DPP6: variants seen among roughly 807,000 people sequenced by gnomAD.
DPP6 encodes A-type potassium channel modulatory protein DPP6.
Under a neutral mutation model 122.6 loss-of-function variants are expected in DPP6, and 69 were observed. That is an observed-to-expected ratio of 0.56 (90% CI 0.46 to 0.69). The LOEUF (loss-of-function observed/expected upper bound fraction) is 0.69, where lower values mean the gene tolerates loss of function less well. Ranked by LOEUF, DPP6 falls within the 30% of genes least tolerant of loss-of-function variation. The pLI, the probability that DPP6 is intolerant of heterozygous loss-of-function variation, is 0.00. For missense variants in DPP6, 928 were observed against 1,116.9 expected (o/e 0.83, Z 2.41); for synonymous variants, 418 against 433.1 (o/e 0.97, Z 0.43).
intron 1 of DPP6, among the ~76,000 whole-genome samples, chr7:154,289,803 G>A (rs1277157048): frequency 6.6e-6 from 1 of 152,188 alleles, no homozygotes; most frequent in Non-Finnish European, 1.5e-5. Context: ...CCCAGCGTCT[G>A]ATGGGGATGG....
intron 7 of DPP6, among the ~76,000 whole-genome samples, chr7:154,684,723 C>T (rs966678702): frequency 1.7e-4 from 26 of 152,158 alleles, no homozygotes; most frequent in Admixed American, 2.0e-4. Context: ...TATGATTGCA[C>T]GTACATGTAT....
Position 154,874,811 on chromosome 7 carries a change from A to C in DPP6, c.1884-1095A>C, listed in dbSNP as rs141956244. 1.4e-3 allele frequency among the ~76,000 whole-genome samples: 212 copies of C among 152,306 alleles called. 1 individual carries two copies. Among genetic ancestry groups the C allele is most frequent in the African/African-American group, 4.7e-3 (196 of 41,568 alleles). ...CCATCTTTTTCCCGGCAAGAGGGAA[A>C]ATCACTTAAAAACTTCCCCACACCC... On this transcript the variant is annotated intron_variant, in intron 19 of 25. Transcript: ENST00000377770.
At chr7:154,281,011 ATTTATTTATTTATTTT>A (rs1804472349) in intron 1 of DPP6, among the ~76,000 whole-genome samples, 3 of 84,070 alleles carry the variant, frequency 3.6e-5, no homozygotes, top group Admixed American at 1.4e-4. Context: ...TTATTTATTT[ATTTATTTATTTATTTT>A]TTGGAGACAG....
At chr7:154,791,321 G>A (rs1271484879) in intron 10 of DPP6, among the ~76,000 whole-genome samples, 2 of 152,132 alleles carry the variant, frequency 1.3e-5, no homozygotes, top group African/African-American at 4.8e-5. Flanking sequence ...TTTAGAAAGA[G>A]AGAGGTTTCA....
intron 1 of DPP6, among the ~76,000 whole-genome samples, chr7:154,252,443 A>T (rs1307301543): frequency 6.6e-6 from 1 of 152,174 alleles, no homozygotes; most frequent in African/African-American, 2.4e-5. Flanking sequence ...AAGCAGACTG[A>T]CCCTTAGTCA....
At chr7:154,862,759 T>A (rs1231359195) in intron 17 of DPP6, among the ~76,000 whole-genome samples, 2 of 152,196 alleles carry the variant, frequency 1.3e-5, no homozygotes, top group East Asian at 3.8e-4. Flanking sequence ...GGGCCCAGCA[T>A]GATGCTAGAA....
intron 5 of DPP6, among the ~76,000 whole-genome samples, chr7:154,591,863 T>G (rs888912205): frequency 1.3e-5 from 2 of 152,216 alleles, no homozygotes; most frequent in African/African-American, 2.4e-5. Flanking sequence ...AATGCTAGAC[T>G]GTGCGTCTGT....
chr7:154,653,841 G>A (rs769699620), intron 6 of DPP6, among the ~76,000 whole-genome samples: 6 of 152,114 alleles, frequency 3.9e-5, no homozygotes, highest in Non-Finnish European at 7.3e-5. Context: ...GGTTTACAGT[G>A]ACAGAGAAGA....
intron 1 of DPP6, among the ~76,000 whole-genome samples, chr7:154,404,976 A>G (rs993340): frequency 0.045 from 6,834 of 152,350 alleles, 244 homozygotes; most frequent in East Asian, 0.14. Context: ...GTTTAGTAAT[A>G]ATAACAAATG....
At chr7:153,795,018 C>T in the DPP6 span, among the ~76,000 whole-genome samples, 4 of 152,032 alleles carry the variant, frequency 2.6e-5, no homozygotes, top group South Asian at 2.1e-4. Context: ...TTATCAGCAG[C>T]GTGAAAATGG....
intron 5 of DPP6, among the ~76,000 whole-genome samples, chr7:154,626,037 T>A (rs1159711486): frequency 2.0e-5 from 3 of 152,052 alleles, no homozygotes; most frequent in Non-Finnish European, 2.9e-5. Flanking sequence ...GATACCTGTT[T>A]CTCAGTGGCC....
chr7:153,781,146 A>G, the DPP6 span, among the ~76,000 whole-genome samples: 3 of 152,206 alleles, frequency 2.0e-5, no homozygotes, highest in Non-Finnish European at 4.4e-5. Context: ...TTAATGAATT[A>G]TCTATGCACG....
At chr7:154,469,686 G>A (rs12538250) in intron 2 of DPP6, among the ~76,000 whole-genome samples, 3 of 152,116 alleles carry the variant, frequency 2.0e-5, no homozygotes, top group East Asian at 1.9e-4. Flanking sequence ...AGAATCTACC[G>A]AGGAAATAGG....
intron 8 of DPP6, among the ~76,000 whole-genome samples, chr7:154,751,229 T>A (rs1843365032): frequency 6.6e-6 from 1 of 152,106 alleles, no homozygotes. Flanking sequence ...GGTCTCCCTA[T>A]CAGCCTGGGA....
At chr7:153,912,759 G>A (rs1011063285) in intron 1 of DPP6, among the ~76,000 whole-genome samples, 6 of 152,004 alleles carry the variant, frequency 3.9e-5, no homozygotes, top group African/African-American at 9.7e-5. Flanking sequence ...AATCATACAC[G>A]TGCACAGACA....
chr7:154,075,775 C>T lies in DPP6; in HGVS notation c.243+22712C>T, dbSNP rs953894494. On this transcript the variant is annotated intron_variant, in intron 1 of 25. Coordinates refer to ENST00000377770, the MANE Select transcript of DPP6 (RefSeq NM_130797.4). ...CCACTAAAGAACTTACCCATGTAAC[C>T]CCAAACCACCTGTTCCTCAAAAACT... Among the ~76,000 whole-genome samples the T allele has an allele frequency of 2.8e-5, 4 of 144,094 alleles. No individual in the cohort carries two copies. In the Admixed American group the frequency reaches 2.8e-4, roughly 10 times the overall value. 94.5% of individuals were successfully genotyped at this position (144,094 alleles called of 152,430 possible).
chr7:154,260,456 C>A (rs1172371006), intron 1 of DPP6, among the ~76,000 whole-genome samples: 1 of 151,882 alleles, frequency 6.6e-6, no homozygotes, highest in Non-Finnish European at 1.5e-5. Context: ...CCACTCTTTC[C>A]TCCTGAGTCC....
chr7:154,786,476 C>A (rs7779332), intron 10 of DPP6, among the ~76,000 whole-genome samples: 37,849 of 151,972 alleles, frequency 0.25, 4,879 homozygotes, highest in African/African-American at 0.29. Flanking sequence ...CCATGCTGTT[C>A]TCTTGATAGT....
chr7:154,238,323 T>C (rs1371979147), intron 1 of DPP6, among the ~76,000 whole-genome samples: 2 of 152,216 alleles, frequency 1.3e-5, no homozygotes, highest in Non-Finnish European at 2.9e-5. Flanking sequence ...GAACTCTGGG[T>C]TGTGAAATAA....
Sources: gnomAD v4.1 joint callset for allele counts (sites outside exome capture counted in the v4.1 genomes callset) on GRCh38, gnomAD v4.1.1 for gene constraint, MANE v1.5 for transcripts, NCBI Gene and HGNC (gene_info 2026-07-23, HGNC 2026-07-21) for gene names.